GRIK2: variants seen among roughly 807,000 people sequenced by gnomAD.
GRIK2 encodes glutamate receptor ionotropic, kainate 2.
GRIK2 carries 32 observed loss-of-function variants against 100.3 expected under a neutral mutation model. That is an observed-to-expected ratio of 0.32 (90% CI 0.24 to 0.43). The LOEUF is 0.43. Ranked by LOEUF, GRIK2 falls within the 20% of genes least tolerant of loss-of-function variation. The probability of loss-of-function intolerance (pLI) is 1.00; values close to 1 mark genes in which losing one functional copy is unlikely to be tolerated. For missense variants in GRIK2, 843 were observed against 1,114.9 expected (o/e 0.76, Z 3.47); for synonymous variants, 417 against 389.4 (o/e 1.07, Z -0.83).
chr6:101,619,892 C>T (rs927651076), intron 2 of GRIK2, among the ~76,000 whole-genome samples: 1 of 152,112 alleles, frequency 6.6e-6, no homozygotes, highest in Non-Finnish European at 1.5e-5. Context: ...GGCTCTATCA[C>T]TTGATAGCTA....
At position 101,983,857 on chromosome 6, in the gene GRIK2, T is replaced by C. The variant is rs1234363631; in HGVS notation, c.2086-51484T>C. 2.0e-5 allele frequency among the ~76,000 whole-genome samples: 3 copies of C among 151,724 alleles called. No homozygotes were observed. In the East Asian group the frequency reaches 5.8e-4, roughly 30 times the overall value. On this transcript the variant is annotated intron_variant, in intron 14 of 16. Transcript: ENST00000369134. ...ACCTTAGACTTCCAATACTTAAAAT[T>C]CATACACTGGTCTTTACTTTTAGAA... is the stretch of plus-strand genomic sequence containing the variant.
At chr6:101,409,051 A>T (rs1020924216) in intron 2 of GRIK2, among the ~76,000 whole-genome samples, 1 of 151,608 alleles carries the variant, frequency 6.6e-6, no homozygotes, top group African/African-American at 2.4e-5. Flanking sequence ...GCCCCCAAGG[A>T]ATTCTCAATG....
At chr6:101,661,173 C>G (rs969724105) in intron 4 of GRIK2, among the ~76,000 whole-genome samples, 1 of 152,152 alleles carries the variant, frequency 6.6e-6, no homozygotes, top group Non-Finnish European at 1.5e-5. Flanking sequence ...ATGCCCTGCT[C>G]AGAGAGGAGG....
intron 2 of GRIK2, among the ~76,000 whole-genome samples, chr6:101,423,301 A>G (rs1371176103): frequency 6.6e-6 from 1 of 152,166 alleles, no homozygotes; most frequent in Non-Finnish European, 1.5e-5. Context: ...TATTCATGTG[A>G]GTAGGGAAGA....
chr6:101,412,541 A>T (rs780914548), intron 2 of GRIK2, among the ~76,000 whole-genome samples: 7 of 152,042 alleles, frequency 4.6e-5, no homozygotes, highest in Non-Finnish European at 1.0e-4. Flanking sequence ...ATATTGAAGA[A>T]AAAACTCAAG....
chr6:101,966,400 T>C (rs1178653719), intron 14 of GRIK2, among the ~76,000 whole-genome samples: 1 of 152,144 alleles, frequency 6.6e-6, no homozygotes, highest in Non-Finnish European at 1.5e-5. Context: ...TTATGAATGT[T>C]GCGATGCCCA....
intron 12 of GRIK2, among the ~76,000 whole-genome samples, chr6:101,892,564 T>G (rs1015193921): frequency 2.0e-5 from 3 of 152,046 alleles, no homozygotes; most frequent in African/African-American, 7.2e-5. Context: ...GAAATGTTAC[T>G]GTTATATTTT....
chr6:101,928,168 C>A, intron 13 of GRIK2: 2 of 466,410 alleles, frequency 4.3e-6, no homozygotes, highest in South Asian at 3.5e-5. Context: ...TGGAACTTTG[C>A]ATCATCTCAG....
chr6:101,920,143 A>C (rs1366809275), intron 12 of GRIK2, among the ~76,000 whole-genome samples: 1 of 151,866 alleles, frequency 6.6e-6, no homozygotes, highest in African/African-American at 2.4e-5. Context: ...GTATGACTTG[A>C]CCCTCTTCAT....
chr6:101,534,630 A>C (rs928647338), intron 2 of GRIK2, among the ~76,000 whole-genome samples: 1 of 151,870 alleles, frequency 6.6e-6, no homozygotes, highest in African/African-American at 2.4e-5. Flanking sequence ...TATTTTTAAC[A>C]AAGTTTGAGG....
rs199876416 is a variant in GRIK2, at chr6:102,055,912, TTAAG to T, written c.2562+334_2562+337del. On this transcript the variant is annotated intron_variant, in intron 16 of 16. Transcript: ENST00000369134. ...GTGGTATATGATGAGATACAGTTAA[TTAAG>T]TGAGTAAAAATTAGAAACTAATATG... Among the ~76,000 whole-genome samples, 1,325 of 152,018 alleles carry T rather than the reference TTAAG, an allele frequency of 8.7e-3. 4 individuals carry two copies. Among genetic ancestry groups the T allele is most frequent in the Non-Finnish European group, 0.011 (717 of 67,910 alleles).
intron 14 of GRIK2, among the ~76,000 whole-genome samples, chr6:102,004,246 C>T (rs1795092728): frequency 2.2e-5 from 3 of 138,456 alleles, no homozygotes; most frequent in Admixed American, 7.2e-5. Context: ...CTTTATAGTT[C>T]TTTATGTCCC....
At chr6:101,646,210 G>A (rs554051236) in intron 4 of GRIK2, among the ~76,000 whole-genome samples, 1 of 152,006 alleles carries the variant, frequency 6.6e-6, no homozygotes, top group South Asian at 2.1e-4. Flanking sequence ...CATTTGGGGA[G>A]TGAACTAATA....
intron 2 of GRIK2, among the ~76,000 whole-genome samples, chr6:101,485,437 T>G (rs1230038052): frequency 1.3e-5 from 2 of 152,146 alleles, no homozygotes; most frequent in African/African-American, 4.8e-5. Flanking sequence ...ATATTTTTCT[T>G]TATAGGAACT....
chr6:101,632,591 G>A (rs1004170287), intron 4 of GRIK2, among the ~76,000 whole-genome samples: 8 of 152,052 alleles, frequency 5.3e-5, no homozygotes, highest in African/African-American at 1.7e-4. Context: ...TTATAAGAAA[G>A]CTCGAGTGAA....
Position 101,399,352 on chromosome 6 carries a change from G to T in GRIK2, c.75G>T (p.Trp25Cys). 1 of 1,587,996 alleles carries T rather than the reference G, an allele frequency of 6.3e-7. No individual in the cohort carries two copies. The highest frequency in any genetic ancestry group is 8.6e-7 in the Non-Finnish European group (1 of 1,156,230). Residue 25 changes from tryptophan to cysteine, a missense_variant, in exon 2 of 17, where the codon TGG becomes TGT. Transcript: ENST00000369134. ...RTVKLLLCLL[W>C]IGYSQGTTHV... ...TTAAACTCCTGCTCTGTTTACTGTG[G>T]ATTGGATATTCTCAAGGAACCACAC...
At chr6:101,961,709 C>T (rs142898582) in intron 14 of GRIK2, among the ~76,000 whole-genome samples, 5 of 152,128 alleles carry the variant, frequency 3.3e-5, no homozygotes, top group East Asian at 2.0e-4. Flanking sequence ...AAGGGCACTT[C>T]GGCATGTGAC....
chr6:101,760,663 T>TATATTTA (rs1471408271), intron 7 of GRIK2, among the ~76,000 whole-genome samples: 3 of 121,448 alleles, frequency 2.5e-5, no homozygotes, highest in Admixed American at 1.0e-4. Context: ...TATGTTTAAT[T>TATATTTA]ATATATAATT....
chr6:101,849,963 A>G (rs532532863), intron 10 of GRIK2, among the ~76,000 whole-genome samples: 1 of 151,694 alleles, frequency 6.6e-6, no homozygotes, highest in East Asian at 1.9e-4. Context: ...CAAGTTTTTT[A>G]GTCATAAGGA....
Sources: gnomAD v4.1 joint callset for allele counts (sites outside exome capture counted in the v4.1 genomes callset) on GRCh38, gnomAD v4.1.1 for gene constraint, MANE v1.5 for transcripts, NCBI Gene and HGNC (gene_info 2026-07-23, HGNC 2026-07-21) for gene names.